Variants in FMO2 observed in about 807,000 individuals in gnomAD.
FMO2 encodes flavin containing dimethylaniline monoxygenase 2, also known as flavin-containing monooxygenase 2.
In FMO2, 33 loss-of-function variants were observed where a neutral mutation model predicts 41.6. That is an observed-to-expected ratio of 0.79 (90% confidence interval 0.60 to 1.06). FMO2 has a LOEUF of 1.06. FMO2 is among the 50% of genes least tolerant of loss of function. The pLI, the probability that FMO2 is intolerant of heterozygous loss-of-function variation, is 0.00. For missense variants in FMO2, 619 were observed against 632.9 expected (o/e 0.98, Z 0.23); for synonymous variants, 214 against 219.6 (o/e 0.97, Z 0.23).
chr1:171,197,120 C>T (rs1184509900), intron 4 of FMO2, among the ~76,000 whole-genome samples: 2 of 152,138 alleles, frequency 1.3e-5, no homozygotes, highest in Non-Finnish European at 2.9e-5. Context: ...CTGCGTTGGC[C>T]TTTTTCTACC....
At chr1:171,201,443 CCTT>C (rs1000197051) in intron 5 of FMO2, among the ~76,000 whole-genome samples, 12 of 152,100 alleles carry the variant, frequency 7.9e-5, no homozygotes, top group African/African-American at 2.9e-4. Context: ...TACTCTCAAG[CCTT>C]CTGTGAAAAG....
At chr1:171,186,029 C>A in intron 2 of FMO2, 184 bp downstream of exon 2, 1 of 547,532 alleles carries the variant, frequency 1.8e-6, no homozygotes, top group Non-Finnish European at 3.1e-6. Flanking sequence ...TCAATACTAA[C>A]CCAACCCAGG....
chr1:171,206,274 A>G (rs574681631), intron 7 of FMO2, among the ~76,000 whole-genome samples: 1 of 152,290 alleles, frequency 6.6e-6, no homozygotes, highest in African/African-American at 2.4e-5. Context: ...GTGTTCAGGG[A>G]AGGAGAGAAA....
intron 8 of FMO2, among the ~76,000 whole-genome samples, chr1:171,208,108 C>G (rs188078323): frequency 6.6e-6 from 1 of 152,260 alleles, no homozygotes; most frequent in Admixed American, 6.5e-5. Flanking sequence ...CTCAAGCCAC[C>G]TACACTCTGT....
intron 3 of FMO2, among the ~76,000 whole-genome samples, chr1:171,196,290 T>A (rs1410883535): frequency 6.6e-6 from 1 of 152,242 alleles, no homozygotes; most frequent in Non-Finnish European, 1.5e-5. Context: ...GGACAGTTAC[T>A]GAGCAGATGT....
rs1156768697 is a variant in FMO2 at position 171,209,454 on chromosome 1, T to C, written c.*309T>C. ...GATATAGGGGAGTTGTATGGAAAAATAGTAGAATTACACAGCATGAAAAGC... is the reference window on the plus strand; with the variant it reads ...GATATAGGGGAGTTGTATGGAAAAACAGTAGAATTACACAGCATGAAAAGC... On this transcript the variant is annotated 3_prime_UTR_variant, in exon 9 of 9. Transcript: ENST00000209929. The C allele has an allele frequency of 1.8e-5, 4 of 228,436 alleles. No homozygotes were observed. Among genetic ancestry groups the C allele is most frequent in the Admixed American group, 5.7e-5 (1 of 17,496 alleles). 14.2% of individuals were successfully genotyped at this position (228,436 alleles called of 1,614,324 possible). A position where few individuals can be genotyped will look rare whatever the true frequency, so the allele number is the denominator to read the frequency against.
rs776677759 is a variant in FMO2, at chr1:171,185,727, T to C, written c.14T>C (p.Val5Ala). 1.9e-6 allele frequency: 3 copies of C among 1,613,862 alleles called. No homozygotes were observed. The highest frequency in any genetic ancestry group is 2.5e-6 in the Non-Finnish European group (3 of 1,179,784). Residue 5 changes from valine (V) to alanine (A), a missense_variant, in exon 2 of 9, where the codon GTA (valine) becomes GCA (alanine). Transcript: ENST00000209929. Reference protein sequence around the residue: MAKKVAVIGAGVSGL... With the variant: MAKKAAVIGAGVSGL... ...TGACAGGAGCTGATGGCAAAGAAGG[T>C]AGCTGTGATTGGAGCTGGGGTCAGT...
chr1:171,189,131 T>C (rs1472931393), intron 2 of FMO2, among the ~76,000 whole-genome samples: 1 of 152,208 alleles, frequency 6.6e-6, no homozygotes, highest in African/African-American at 2.4e-5. Flanking sequence ...GAGGAAAACA[T>C]GATCTTCTTT....
At chr1:171,187,367 T>A (rs1478956584) in intron 2 of FMO2, among the ~76,000 whole-genome samples, 1 of 152,134 alleles carries the variant, frequency 6.6e-6, no homozygotes, top group East Asian at 1.9e-4. Context: ...GCAGGCTGAC[T>A]AGTTAGGAGG....
In FMO2 at chr1:171,207,719, C is replaced by A; in HGVS notation, c.1185C>A (p.Gly395=). 1 of 1,602,630 alleles carries A rather than the reference C, an allele frequency of 6.2e-7. No homozygotes were observed. The highest frequency in any genetic ancestry group is 8.5e-7 in the Non-Finnish European group (1 of 1,171,248). Residue 395 remains glycine, a splice_region_variant and synonymous_variant, in exon 8 of 9, where the codon GGC becomes GGA. Coordinates refer to ENST00000209929, the MANE Select transcript of FMO2 (RefSeq NM_001460.5). ...TCAAACCAACCTTTTATTCCTTAGG[C>A]TTGTGTAGCCTGCCCTCAGAGAGAA... ...QARWVTRVFK[G]LCSLPSERTM... is the part of the protein sequence containing the mutation.
At chr1:171,187,050 T>C (rs1302725410) in intron 2 of FMO2, among the ~76,000 whole-genome samples, 1 of 152,192 alleles carries the variant, frequency 6.6e-6, no homozygotes, top group Non-Finnish European at 1.5e-5. Context: ...ATGAGCAAAC[T>C]GAAAGTGAGG....
chr1:171,196,380 A>C (rs2101992821), intron 3 of FMO2, among the ~76,000 whole-genome samples: 1 of 152,292 alleles, frequency 6.6e-6, no homozygotes, highest in Non-Finnish European at 1.5e-5. Flanking sequence ...GTTATCAGGC[A>C]CACATCATGA....
chr1:171,203,937 G>C lies in FMO2; in HGVS notation c.700G>C (p.Val234Leu), dbSNP rs1167421290. ...ISEDGYPWDS[V>L]FHTRFRSMLR... The stretch of plus-strand genomic sequence containing the variant: ...TGAAGATGGCTATCCTTGGGACTCA[G>C]TGTTCCACACCCGGTTTCGTTCTAT... The change falls in exon 6 of 9, where the codon GTG (valine) becomes CTG (leucine). Residue 234 changes from valine (V) to leucine (L), a missense_variant. Val to Leu is a conservative substitution (Grantham distance 32, BLOSUM62 1). Coordinates refer to ENST00000209929, the MANE Select transcript of FMO2 (RefSeq NM_001460.5). The C allele has an allele frequency of 6.2e-7, 1 of 1,613,762 alleles. No homozygotes were observed.
Position 171,199,601 on chromosome 1 carries a change from A to T in FMO2, c.627+113A>T, listed in dbSNP as rs937488173. On this transcript the variant is annotated intron_variant, in intron 5 of 8. Transcript: ENST00000209929. The stretch of plus-strand genomic sequence containing the variant: ...AATCCTCATTAACTAGTTGGTTGGT[A>T]GCGCATTGTGGCATCATAGAAAATC... The T allele has an allele frequency of 1.1e-5, 11 of 997,384 alleles. 1 individual carries two copies. The highest frequency in any genetic ancestry group is 1.6e-5 in the Non-Finnish European group (11 of 701,182). The allele number at this position is 997,384 out of a possible 1,614,324, so 61.8% of individuals were successfully genotyped here.
intron 5 of FMO2, 31 bp downstream of exon 5, chr1:171,199,519 G>A (rs1241827525): frequency 1.3e-6 from 2 of 1,564,520 alleles, no homozygotes; most frequent in African/African-American, 1.4e-5. Flanking sequence ...CATGTACCTG[G>A]AGGGGAGGAA....
chr1:171,208,809 G>A lies in FMO2; in HGVS notation c.1272G>A (p.Gln424=). ...EKRIDLFGES[Q]SQTLQTNYVD... ...CTTCACTAAGGTTTGGAGAAAGCCAGAGCCAGACGTTGCAGACCAATTATG... is the reference window on the plus strand; with the variant it reads ...CTTCACTAAGGTTTGGAGAAAGCCAAAGCCAGACGTTGCAGACCAATTATG... The change falls in exon 9 of 9, where the codon CAG becomes CAA. Residue 424 remains glutamine, a synonymous_variant. Coordinates refer to ENST00000209929, the MANE Select transcript of FMO2 (RefSeq NM_001460.5). The A allele has an allele frequency of 6.2e-7, 1 of 1,613,888 alleles. No individual in the cohort carries two copies. The highest frequency in any genetic ancestry group is 8.5e-7 in the Non-Finnish European group (1 of 1,179,854).
intron 4 of FMO2, among the ~76,000 whole-genome samples, chr1:171,198,657 C>T (rs28369870): frequency 0.12 from 17,827 of 152,026 alleles, 1,186 homozygotes; most frequent in African/African-American, 0.17. Context: ...TTGATCCGCC[C>T]GCCTTGGCCT....
intron 2 of FMO2, among the ~76,000 whole-genome samples, chr1:171,187,746 C>T (rs1163564924): frequency 6.7e-6 from 1 of 149,978 alleles, no homozygotes; most frequent in Non-Finnish European, 1.5e-5. Flanking sequence ...TATGATAAGA[C>T]AAATTTGGTA....
In FMO2 at chr1:171,203,845, C is replaced by T. The variant is rs1658637430; in HGVS notation, c.628-20C>T. ...CGGGACAATGCCCTAATTTAAACTG[C>T]ATTTCTTTTTGCTTGCCAGGTTTTT... On this transcript the variant is annotated intron_variant, in intron 5 of 8. Coordinates refer to ENST00000209929, the MANE Select transcript of FMO2 (RefSeq NM_001460.5). 1 of 1,610,198 alleles carries T rather than the reference C, an allele frequency of 6.2e-7. No homozygotes were observed. The highest frequency in any genetic ancestry group is 1.1e-5 in the South Asian group (1 of 90,954).
Sources: allele counts gnomAD v4.1 joint callset (sites outside exome capture counted in the v4.1 genomes callset), GRCh38; gene constraint gnomAD v4.1.1; transcripts MANE v1.5; gene names NCBI Gene and HGNC (gene_info 2026-07-23, HGNC 2026-07-21).